LDAF1: variants seen among roughly 807,000 people sequenced by gnomAD.
LDAF1 encodes the protein lipid droplet assembly factor 1, also known as PROMETHIN.
In LDAF1, 7 loss-of-function variants were observed where a neutral mutation model predicts 13.5. The observed-to-expected ratio is 0.52, with a 90% CI of 0.29 to 0.97. The LOEUF (loss-of-function observed/expected upper bound fraction) is 0.97, where lower values mean the gene tolerates loss of function less well. Among genes scored for constraint, LDAF1 ranks in the 50% least tolerant of loss-of-function variants. The pLI, the probability that LDAF1 is intolerant of heterozygous loss-of-function variation, is 0.07. For missense variants in LDAF1, 148 were observed against 193.2 expected, an observed-to-expected ratio of 0.77 and a Z score of 1.39; for synonymous variants, 69 against 77.1, an observed-to-expected ratio of 0.89 and a Z score of 0.55.
At position 21,179,785 on chromosome 16, in the gene LDAF1, G is replaced by T; in HGVS notation, c.*229G>T. ...GAGAAATGCGATGGTTCAACAGCTC[G>T]CCCTGCCCCAAGTATGCAGACTTGA... On this transcript the variant is annotated 3_prime_UTR_variant, in exon 5 of 5. Transcript: ENST00000233047. The T allele has an allele frequency of 2.1e-6, 1 of 480,514 alleles. No individual in the cohort carries two copies. Among genetic ancestry groups the T allele is most frequent in the South Asian group, 2.4e-5 (1 of 41,412 alleles). The allele number at this position is 480,514 out of a possible 1,614,324, so 29.8% of individuals were successfully genotyped here. A position where few individuals can be genotyped will look rare whatever the true frequency, so the allele number is the denominator to read the frequency against.
intron 4 of LDAF1, among the ~76,000 whole-genome samples, chr16:21,175,368 C>G (rs1035838764): frequency 2.6e-5 from 4 of 152,162 alleles, no homozygotes; most frequent in Non-Finnish European, 5.9e-5. Context: ...ACAGAAGGGA[C>G]TTAATTCCAG....
intron 2 of LDAF1, among the ~76,000 whole-genome samples, chr16:21,167,879 G>A (rs1387327585): frequency 3.3e-5 from 5 of 149,518 alleles, no homozygotes; most frequent in Admixed American, 6.6e-5. Flanking sequence ...TGGTGGGGGC[G>A]CCCGTAATCC....
rs1315205802 is a variant in LDAF1 at position 21,176,846 on chromosome 16, G to A, written c.405-2629G>A. The stretch of plus-strand genomic sequence containing the variant: ...GCCTGGGAGGTTGGGGGTGCAGTGA[G>A]CTATGATTGTACCACTGCACTCCAG... On this transcript the variant is annotated intron_variant, in intron 4 of 4. Transcript: ENST00000233047. Among the ~76,000 whole-genome samples, 8 of 151,126 alleles carry A rather than the reference G, an allele frequency of 5.3e-5. No individual in the cohort carries two copies. The East Asian group carries it at 1.4e-3, about 26-fold the overall frequency.
intron 3 of LDAF1, among the ~76,000 whole-genome samples, chr16:21,171,152 C>A (rs950503538): frequency 1.3e-5 from 2 of 152,324 alleles, no homozygotes. Context: ...AGATGCCTCG[C>A]TAGGTACTGG....
chr16:21,159,262 A>T, intron 1 of LDAF1: 1 of 1,377,878 alleles, frequency 7.3e-7, no homozygotes, highest in Non-Finnish European at 1.0e-6. Flanking sequence ...TAAGTACTCG[A>T]CTCCCCTCTG....
At chr16:21,175,393 A>G (rs1172471805) in intron 4 of LDAF1, among the ~76,000 whole-genome samples, 1 of 151,724 alleles carries the variant, frequency 6.6e-6, no homozygotes, top group Non-Finnish European at 1.5e-5. Context: ...GTTAATTCCA[A>G]AGCCCTCTTA....
chr16:21,162,401 C>T (rs1389942027), intron 2 of LDAF1, among the ~76,000 whole-genome samples: 1 of 71,678 alleles, frequency 1.4e-5, no homozygotes, highest in Non-Finnish European at 2.5e-5. Flanking sequence ...CTTCAGATAG[C>T]GTTATGTTTT....
At chr16:21,179,066 G>C (rs2093162427) in intron 4 of LDAF1, 1 of 189,540 alleles carries the variant, frequency 5.3e-6, no homozygotes, top group East Asian at 1.6e-4. Flanking sequence ...ATTGAAATCA[G>C]AAGATATGGT....
chr16:21,174,386 A>AAAAAATAT (rs2093120898), intron 4 of LDAF1, among the ~76,000 whole-genome samples: 1 of 152,038 alleles, frequency 6.6e-6, no homozygotes, highest in East Asian at 1.9e-4. Context: ...TTGTAGAGAC[A>AAAAAATAT]GGGTCTTGCT....
intron 1 of LDAF1, chr16:21,159,182 T>C (rs1260421191): frequency 5.9e-6 from 5 of 846,824 alleles, no homozygotes; most frequent in African/African-American, 1.7e-5. Flanking sequence ...TCCACCGAGG[T>C]CCCCTTCCCC....
chr16:21,174,763 A>C (rs952361688), intron 4 of LDAF1, among the ~76,000 whole-genome samples: 2 of 152,184 alleles, frequency 1.3e-5, no homozygotes, highest in Admixed American at 6.5e-5. Context: ...ATGTCAAATT[A>C]GGTGGTTTTC....
intron 4 of LDAF1, among the ~76,000 whole-genome samples, chr16:21,175,558 A>G (rs2093131382): frequency 6.6e-6 from 1 of 152,262 alleles, no homozygotes; most frequent in African/African-American, 2.4e-5. Flanking sequence ...TACTGCAGTT[A>G]GTCAACTCTG....
rs2092945224 is a variant in LDAF1 at position 21,159,663 on chromosome 16, TGC to T, written c.-99+918_-99+919del. ...TTTCCCTTCTCGGGAGACAGCTCCG[TGC>T]CTGGGGAGGCCCCTCCGAGGAGTGA... is the stretch of plus-strand genomic sequence containing the variant. On this transcript the variant is annotated intron_variant, in intron 1 of 4. Coordinates refer to ENST00000233047, the MANE Select transcript of LDAF1 (RefSeq NM_001301771.2). Among the ~76,000 whole-genome samples, 3 of 152,334 alleles carry T rather than the reference TGC, an allele frequency of 2.0e-5. No individual in the cohort carries two copies. In the South Asian group the frequency reaches 6.2e-4, roughly 32 times the overall value.
At chr16:21,174,656 A>G (rs1010832288) in intron 4 of LDAF1, among the ~76,000 whole-genome samples, 1 of 152,210 alleles carries the variant, frequency 6.6e-6, no homozygotes, top group Non-Finnish European at 1.5e-5. Flanking sequence ...AAACAAAGCA[A>G]TTGCTGTCAT....
intron 4 of LDAF1, among the ~76,000 whole-genome samples, chr16:21,176,111 A>G (rs1006899302): frequency 6.6e-6 from 1 of 152,216 alleles, no homozygotes; most frequent in Non-Finnish European, 1.5e-5. Context: ...TGCTTCTGAA[A>G]TAAAATTCCT....
chr16:21,163,748 A>C (rs1230286737), intron 2 of LDAF1, among the ~76,000 whole-genome samples: 1 of 152,278 alleles, frequency 6.6e-6, no homozygotes, highest in East Asian at 1.9e-4. Flanking sequence ...CATGAGTAAT[A>C]AGGATTGACT....
chr16:21,170,641 A>G (rs895739068), intron 3 of LDAF1, 36 bp downstream of exon 3: 141 of 1,610,610 alleles, frequency 8.8e-5, no homozygotes, highest in Non-Finnish European at 1.2e-4. Context: ...TTAGAAAATA[A>G]TTCAATTGGG....
intron 2 of LDAF1, among the ~76,000 whole-genome samples, chr16:21,165,066 A>G (rs1325448428): frequency 6.6e-6 from 1 of 152,214 alleles, no homozygotes; most frequent in Non-Finnish European, 1.5e-5. Context: ...GCTCAGCTGT[A>G]CTTCCTGGGA....
intron 3 of LDAF1, chr16:21,172,964 C>G: frequency 3.3e-6 from 1 of 305,536 alleles, no homozygotes; most frequent in Non-Finnish European, 4.8e-6. Context: ...CAATACTTGC[C>G]ATGTTACTTG....
Sources: allele counts gnomAD v4.1 joint callset (sites outside exome capture counted in the v4.1 genomes callset), GRCh38; gene constraint gnomAD v4.1.1; transcripts MANE v1.5; gene names NCBI Gene and HGNC (gene_info 2026-07-23, HGNC 2026-07-21).